MGAT5: variants seen among roughly 807,000 people sequenced by gnomAD.
MGAT5 encodes alpha-1,6-mannosylglycoprotein 6-beta-N-acetylglucosaminyltransferase A.
Under a neutral mutation model 94.3 loss-of-function variants are expected in MGAT5, and 30 were observed. The ratio of observed to expected loss-of-function variants is 0.32; its 90% CI spans 0.24 to 0.43. MGAT5 has a LOEUF of 0.43. Ranked by LOEUF, MGAT5 falls within the 20% of genes least tolerant of loss-of-function variation. The pLI is 1.00. For synonymous variants in MGAT5, 310 were observed against 322.9 expected (o/e 0.96, Z 0.43); for missense variants, 691 against 905.5 (o/e 0.76, Z 3.04).
At chr2:134,192,881 A>G (rs999091895) in intron 1 of MGAT5, among the ~76,000 whole-genome samples, 1 of 152,040 alleles carries the variant, frequency 6.6e-6, no homozygotes, top group Non-Finnish European at 1.5e-5. Flanking sequence ...TTTGTGATAT[A>G]TGTGTATGGA....
At chr2:134,238,091 A>G (rs952440728) in intron 1 of MGAT5, among the ~76,000 whole-genome samples, 8 of 151,966 alleles carry the variant, frequency 5.3e-5, no homozygotes, top group Admixed American at 3.9e-4. Context: ...TATTCATTTC[A>G]TAAGTTTGGA....
At chr2:134,316,456 G>A (rs529816295) in intron 2 of MGAT5, among the ~76,000 whole-genome samples, 2 of 152,098 alleles carry the variant, frequency 1.3e-5, no homozygotes, top group Non-Finnish European at 2.9e-5. Context: ...TGGAGAGTGG[G>A]TTGGGTATCT....
intron 1 of MGAT5, among the ~76,000 whole-genome samples, chr2:134,123,043 A>G (rs759124612): frequency 6.6e-5 from 10 of 152,244 alleles, no homozygotes; most frequent in Non-Finnish European, 1.5e-4. Context: ...GCATATGTAC[A>G]TGCATATGCC....
At chr2:134,288,879 A>G (rs1278567632) in intron 2 of MGAT5, among the ~76,000 whole-genome samples, 2 of 152,174 alleles carry the variant, frequency 1.3e-5, no homozygotes, top group Non-Finnish European at 1.5e-5. Context: ...CAGATGTACA[A>G]AATGGGCTTC....
At chr2:134,382,418 C>T (rs1681692766) in intron 10 of MGAT5, among the ~76,000 whole-genome samples, 1 of 152,048 alleles carries the variant, frequency 6.6e-6, no homozygotes. Context: ...ACTGAGGTTG[C>T]CCAGAATGCT....
At chr2:134,308,320 A>G (rs1478438413) in intron 2 of MGAT5, among the ~76,000 whole-genome samples, 1 of 152,178 alleles carries the variant, frequency 6.6e-6, no homozygotes, top group Non-Finnish European at 1.5e-5. Flanking sequence ...CCAAAAATTC[A>G]GGGTTGAAAT....
chr2:134,345,081 G>A lies in MGAT5; in HGVS notation c.1112+17G>A. 6.2e-7 allele frequency: 1 copy of A among 1,601,900 alleles called. No homozygotes were observed. Reference sequence around the variant, plus strand: ...TCATTACCAGTAAGTGCTACATGGTGTTCTGACTTAAGGTTTTTTTTCCCC... The same window carrying A: ...TCATTACCAGTAAGTGCTACATGGTATTCTGACTTAAGGTTTTTTTTCCCC... On this transcript the variant is annotated intron_variant, in intron 8 of 15. Transcript: ENST00000281923.
intron 4 of MGAT5, among the ~76,000 whole-genome samples, chr2:134,321,716 C>T (rs1558789043): frequency 6.6e-6 from 1 of 152,086 alleles, no homozygotes; most frequent in East Asian, 1.9e-4. Context: ...CTTTTTGTTG[C>T]TTGGCTGAAT....
intron 2 of MGAT5, among the ~76,000 whole-genome samples, chr2:134,307,357 A>G (rs1182442044): frequency 1.3e-5 from 2 of 151,638 alleles, no homozygotes; most frequent in African/African-American, 4.8e-5. Context: ...TTATACAGTA[A>G]TATCTTTTAA....
In MGAT5 at chr2:134,371,728, C is replaced by G. The variant is rs1230395776; in HGVS notation, c.1380+9320C>G. 2.0e-5 allele frequency among the ~76,000 whole-genome samples: 3 copies of G among 152,076 alleles called. No homozygotes were observed. The East Asian group carries it at 5.8e-4, about 29-fold the overall frequency. ...TCTTCCCATTTGTGAGAGAAAACTC[C>G]CCCTTAGAACTCAACTGGTAGAGCT... On this transcript the variant is annotated intron_variant, in intron 10 of 15. Transcript: ENST00000281923.
Position 134,125,607 on chromosome 2 carries a change from T to C in MGAT5, c.-143+5316T>C, listed in dbSNP as rs149049697. On this transcript the variant is annotated intron_variant, in intron 1 of 16. Transcript: ENST00000409645. The stretch of plus-strand genomic sequence containing the variant: ...CTCCTCTGTGGTCCCACAGGAACAA[T>C]TGGTAACAGTTGATAACGGGTGCCT... Among the ~76,000 whole-genome samples the C allele has an allele frequency of 3.9e-3, 590 of 152,264 alleles. 2 individuals carry two copies. Among genetic ancestry groups the C allele is most frequent in the African/African-American group, 0.013 (528 of 41,542 alleles).
intron 1 of MGAT5, among the ~76,000 whole-genome samples, chr2:134,183,748 G>A (rs1367831509): frequency 6.6e-6 from 1 of 152,226 alleles, no homozygotes; most frequent in Non-Finnish European, 1.5e-5. Flanking sequence ...CATCCATGGT[G>A]AGGATTTGTA....
At chr2:134,247,389 A>T (rs1682346788) in intron 1 of MGAT5, among the ~76,000 whole-genome samples, 1 of 142,368 alleles carries the variant, frequency 7.0e-6, no homozygotes, top group Non-Finnish European at 1.6e-5. Context: ...AAAAAAACGT[A>T]AACTAGACCA....
chr2:134,142,369 C>T (rs1037751847), intron 1 of MGAT5, among the ~76,000 whole-genome samples: 6 of 152,212 alleles, frequency 3.9e-5, no homozygotes, highest in Admixed American at 6.5e-5. Context: ...CAGAAAGGCC[C>T]GGCCCCGCCT....
At chr2:134,436,711 A>G (rs1685179824) in intron 14 of MGAT5, among the ~76,000 whole-genome samples, 1 of 152,204 alleles carries the variant, frequency 6.6e-6, no homozygotes, top group Admixed American at 6.5e-5. Context: ...TACGGGGCAC[A>G]GGCAGCTCTT....
At chr2:134,264,024 T>TTG (rs1558742883) in intron 1 of MGAT5, among the ~76,000 whole-genome samples, 2 of 142,886 alleles carry the variant, frequency 1.4e-5, no homozygotes, top group East Asian at 2.1e-4. Flanking sequence ...TAGGTTTTTT[T>TTG]TTTTTTTTTT....
intron 1 of MGAT5, among the ~76,000 whole-genome samples, chr2:134,257,237 G>T (rs889144390): frequency 6.6e-6 from 1 of 152,002 alleles, no homozygotes; most frequent in African/African-American, 2.4e-5. Flanking sequence ...TAGTTTTTTT[G>T]TTTGTTTGTT....
At chr2:134,251,210 A>T (rs76433318), upstream of MGAT5, among the ~76,000 whole-genome samples, 2 of 152,050 alleles carry the variant, frequency 1.3e-5, no homozygotes, top group Non-Finnish European at 1.5e-5. Flanking sequence ...AAAAAAAAAA[A>T]AGCCAATTCC....
upstream of MGAT5, among the ~76,000 whole-genome samples, chr2:134,251,439 T>A (rs1682587505): frequency 6.6e-6 from 1 of 152,192 alleles, no homozygotes; most frequent in Admixed American, 6.5e-5. Flanking sequence ...TGTAGTGCCC[T>A]AGGCGACATA....
Sources: gnomAD v4.1 joint callset for allele counts (sites outside exome capture counted in the v4.1 genomes callset) on GRCh38, gnomAD v4.1.1 for gene constraint, MANE v1.5 for transcripts, NCBI Gene and HGNC (gene_info 2026-07-23, HGNC 2026-07-21) for gene names.